MEIOSIN: variants seen among roughly 807,000 people sequenced by gnomAD.
MEIOSIN encodes meiosis initiator protein.
In MEIOSIN, 18 loss-of-function variants were observed where a neutral mutation model predicts 23.4. The observed-to-expected ratio is 0.77, with a 90% CI of 0.53 to 1.14. MEIOSIN has a LOEUF of 1.14. Among genes scored for constraint, MEIOSIN ranks in the 50% most tolerant of loss-of-function variants. The pLI, the probability that MEIOSIN is intolerant of heterozygous loss-of-function variation, is 0.00. For synonymous variants in MEIOSIN, 187 were observed against 100.6 expected (o/e 1.86, Z -5.14); for missense variants, 428 against 242.9 (o/e 1.76, Z -5.07).
intron 2 of MEIOSIN, among the ~76,000 whole-genome samples, chr19:45,735,934 C>T (rs1968402076): frequency 6.6e-6 from 1 of 152,190 alleles, no homozygotes; most frequent in Admixed American, 6.6e-5. Context: ...GTCTCAGCCT[C>T]CCAAAGTGCT....
chr19:45,742,372 C>T (rs756482378), intron 3 of MEIOSIN, among the ~76,000 whole-genome samples: 7 of 151,932 alleles, frequency 4.6e-5, no homozygotes, highest in Non-Finnish European at 8.8e-5. Context: ...CCCAGCTACT[C>T]GGGAGACTGA....
chr19:45,734,388 A>G (rs560002470), intron 1 of MEIOSIN, among the ~76,000 whole-genome samples: 4 of 152,274 alleles, frequency 2.6e-5, no homozygotes, highest in Admixed American at 2.0e-4. Context: ...TCATAGTGTT[A>G]CAGCTTGCAG....
At chr19:45,761,496 C>T (rs1167054852) in intron 11 of MEIOSIN, among the ~76,000 whole-genome samples, 183 bp from the exon 12 acceptor site, 1 of 135,748 alleles carries the variant, frequency 7.4e-6, no homozygotes, top group East Asian at 2.2e-4. Context: ...TCTGTAACTC[C>T]TGGCCTCAAG....
In MEIOSIN at chr19:45,757,926, CAA is replaced by C. The variant is rs1452347512; in HGVS notation, c.1012+650_1012+651del. On this transcript the variant is annotated intron_variant, in intron 9 of 14. Coordinates refer to ENST00000457052, the MANE Select transcript of MEIOSIN (RefSeq NM_001310124.2). ...CACTGAGGCCTCCAATTCCTGGACT[CAA>C]GGGATCGTCCTGCCTCAGCTTCTCA... Among the ~76,000 whole-genome samples, 4 of 152,206 alleles carry C rather than the reference CAA, an allele frequency of 2.6e-5. No homozygotes were observed. In the East Asian group the frequency reaches 7.7e-4, roughly 29 times the overall value.
chr19:45,747,075 T>C lies in MEIOSIN; in HGVS notation c.306+1754T>C, dbSNP rs1263392974. The stretch of plus-strand genomic sequence containing the variant: ...TGACACAGTCCCTCCCCTCGAGGAA[T>C]GGCAGTCTTGTCAGGGGACTGGCAA... On this transcript the variant is annotated intron_variant, in intron 4 of 14. Transcript: ENST00000457052. 3.3e-5 allele frequency among the ~76,000 whole-genome samples: 5 copies of C among 152,254 alleles called. No homozygotes were observed. In the South Asian group the frequency reaches 8.3e-4, roughly 25 times the overall value.
intron 7 of MEIOSIN, 96 bp from the exon 8 acceptor site, chr19:45,755,874 T>C (rs148827454): frequency 5.5e-5 from 35 of 637,486 alleles, no homozygotes; most frequent in Middle Eastern, 4.1e-4. Context: ...AGTGAGAGGG[T>C]GTGTGGCAGA....
rs527487597 is a variant in MEIOSIN at position 45,762,178 on chromosome 19, C to T, written c.1674C>T (p.Tyr558=). 37 of 406,782 alleles carry T rather than the reference C, an allele frequency of 9.1e-5. No homozygotes were observed. Among genetic ancestry groups the T allele is most frequent in the African/African-American group, 6.6e-4 (32 of 48,784 alleles). 25.2% of individuals were successfully genotyped at this position (406,782 alleles called of 1,614,324 possible). ...TCTGCAGGATGAACCGGAAGCAGTA[C>T]ATCCGGTGGGTAGGGGGTCGTCTTT... ...IMFCRMNRKQ[Y]IRSCPGTAST... Residue 558 remains tyrosine, a synonymous_variant, in exon 13 of 15, where the codon TAC becomes TAT. Transcript: ENST00000457052.
chr19:45,744,419 T>TA (rs1470136197), intron 3 of MEIOSIN, among the ~76,000 whole-genome samples: 3 of 152,126 alleles, frequency 2.0e-5, no homozygotes, highest in African/African-American at 7.2e-5. Context: ...GCCCTGTGCT[T>TA]AGGATGGTCC....
At chr19:45,758,354 A>G (rs553378306) in intron 9 of MEIOSIN, among the ~76,000 whole-genome samples, 9 of 152,006 alleles carry the variant, frequency 5.9e-5, no homozygotes, top group South Asian at 4.1e-4. Context: ...GACTTTGCAC[A>G]TTATGATATT....
chr19:45,756,583 A>T (rs1968834386), intron 8 of MEIOSIN, among the ~76,000 whole-genome samples: 1 of 152,024 alleles, frequency 6.6e-6, no homozygotes, highest in African/African-American at 2.4e-5. Context: ...ACACCCAGCT[A>T]ATTTTTTTAT....
At chr19:45,751,366 TC>T (rs1278452371) in intron 5 of MEIOSIN, among the ~76,000 whole-genome samples, 1 of 151,332 alleles carries the variant, frequency 6.6e-6, no homozygotes, top group Non-Finnish European at 1.5e-5. Context: ...ATAAAATCCC[TC>T]AGTAATTTTC....
At chr19:45,740,223 A>C (rs1600375881) in intron 3 of MEIOSIN, among the ~76,000 whole-genome samples, 1 of 152,196 alleles carries the variant, frequency 6.6e-6, no homozygotes, top group African/African-American at 2.4e-5. Context: ...CTTCCAGATA[A>C]GATCAAGGTT....
At chr19:45,739,788 G>A (rs1968469672) in intron 3 of MEIOSIN, 58 bp downstream of exon 3, 3 of 701,990 alleles carry the variant, frequency 4.3e-6, no homozygotes, top group Non-Finnish European at 7.8e-6. Flanking sequence ...ATAGCCCATT[G>A]TTCAACACCT....
chr19:45,742,034 C>A (rs1968515417), intron 3 of MEIOSIN, among the ~76,000 whole-genome samples: 1 of 151,922 alleles, frequency 6.6e-6, no homozygotes, highest in African/African-American at 2.4e-5. Context: ...TGCCACCACA[C>A]CTGGCTAATT....
intron 5 of MEIOSIN, 115 bp from the exon 6 acceptor site, chr19:45,753,536 C>G (rs1263045968): frequency 1.7e-6 from 1 of 597,646 alleles, no homozygotes; most frequent in Non-Finnish European, 3.0e-6. Flanking sequence ...ACTGTAAAGT[C>G]AGCCTGGGGG....
intron 9 of MEIOSIN, among the ~76,000 whole-genome samples, 173 bp downstream of exon 9, chr19:45,757,450 G>A (rs577170593): frequency 1.2e-4 from 19 of 152,292 alleles, no homozygotes; most frequent in African/African-American, 4.6e-4. Context: ...TGCCACGGAG[G>A]CTTGACAATC....
Position 45,754,644 on chromosome 19 carries a change from C to T in MEIOSIN, c.722C>T (p.Pro241Leu). 4 of 703,098 alleles carry T rather than the reference C, an allele frequency of 5.7e-6. No homozygotes were observed. The Admixed American group carries it at 8.0e-5, about 14-fold the overall frequency. The allele number at this position is 703,098 out of a possible 1,614,324, so 43.6% of individuals were successfully genotyped here. A position where few individuals can be genotyped will look rare whatever the true frequency, so the allele number is the denominator to read the frequency against. Residue 241 changes from proline to leucine, a missense_variant, in exon 7 of 15, where the codon CCT (proline) becomes CTT (leucine). Physicochemically the swap from Pro to Leu is moderately conservative, Grantham distance 98. Transcript: ENST00000457052. ...CGHPRPASSSPPGDRKGGQSQ... is the reference protein window; with the variant it reads ...CGHPRPASSSLPGDRKGGQSQ... ...CACCCGAGGCCTGCATCATCCTCAC[C>T]TCCAGGTGACAGAAAAGGAGGACAG...
intron 6 of MEIOSIN, 80 bp from the exon 7 acceptor site, chr19:45,754,399 T>C (rs1474291729): frequency 6.3e-6 from 4 of 635,164 alleles, no homozygotes; most frequent in Non-Finnish European, 1.1e-5. Flanking sequence ...CTGACAAGGA[T>C]GTTTCCCACC....
chr19:45,742,158 G>A (rs1249904040), intron 3 of MEIOSIN, among the ~76,000 whole-genome samples: 1 of 151,852 alleles, frequency 6.6e-6, no homozygotes, highest in Non-Finnish European at 1.5e-5. Context: ...TTACAGGCGT[G>A]AGCCACCACG....
Sources: gnomAD v4.1 joint callset for allele counts (sites outside exome capture counted in the v4.1 genomes callset) on GRCh38, gnomAD v4.1.1 for gene constraint, MANE v1.5 for transcripts, NCBI Gene and HGNC (gene_info 2026-07-23, HGNC 2026-07-21) for gene names.